Variants in MPDZ observed in about 807,000 individuals in gnomAD.
MPDZ encodes multiple PDZ domain crumbs cell polarity complex component.
MPDZ carries 234 observed loss-of-function variants against 239.1 expected under a neutral mutation model. That is an observed-to-expected ratio of 0.98 (90% CI 0.88 to 1.09). The LOEUF is 1.09. Among genes scored for constraint, MPDZ ranks in the 50% least tolerant of loss-of-function variants. MPDZ has a pLI of 0.00. For synonymous variants in MPDZ, 1,048 were observed against 881.3 expected, an observed-to-expected ratio of 1.19 and a Z score of -3.35; for missense variants, 3,175 against 2,510.0, an observed-to-expected ratio of 1.26 and a Z score of -5.66.
intron 1 of MPDZ, chr9:13,274,544 T>C (rs1302733737): frequency 6.6e-6 from 1 of 151,892 alleles, no homozygotes; most frequent in Non-Finnish European, 1.5e-5. Flanking sequence ...TATTTTTAAC[T>C]TAGCTGGCCA....
At chr9:13,122,696 T>C (rs913603073) in intron 36 of MPDZ, among the ~76,000 whole-genome samples, 1 of 152,030 alleles carries the variant, frequency 6.6e-6, no homozygotes, top group Non-Finnish European at 1.5e-5. Flanking sequence ...TTTGTATTTT[T>C]AGTAGAGATA....
At chr9:13,252,678 A>G (rs944783480) in intron 1 of MPDZ, among the ~76,000 whole-genome samples, 2 of 151,646 alleles carry the variant, frequency 1.3e-5, no homozygotes, top group Non-Finnish European at 2.9e-5. Context: ...GTGATACCCC[A>G]TCTCTATCAA....
chr9:13,248,458 G>A (rs1367746843), intron 2 of MPDZ, among the ~76,000 whole-genome samples: 1 of 151,934 alleles, frequency 6.6e-6, no homozygotes, highest in Admixed American at 6.6e-5. Context: ...TGTCCTACTA[G>A]TCCTAGTGTC....
At chr9:13,145,219 T>C (rs1324220994) in intron 26 of MPDZ, among the ~76,000 whole-genome samples, 3 of 151,996 alleles carry the variant, frequency 2.0e-5, no homozygotes, top group African/African-American at 4.8e-5. Context: ...AAAAAACCAA[T>C]GATGAAACTT....
Position 13,227,376 on chromosome 9 carries a change from A to AT in MPDZ, c.184-2794dup, listed in dbSNP as rs1199885038. Among the ~76,000 whole-genome samples the AT allele has an allele frequency of 5.0e-3, 753 of 150,054 alleles. 7 individuals carry two copies. Among genetic ancestry groups the AT allele is most frequent in the African/African-American group, 0.016 (636 of 41,008 alleles). On this transcript the variant is annotated intron_variant, in intron 3 of 46. Coordinates refer to ENST00000319217, the MANE Select transcript of MPDZ (RefSeq NM_001378778.1). ...AAGTAAGCTTCTTATGCCAAGATTG[A>AT]TTTTTTTTTTATCCTGAGCCATGGC...
chr9:13,132,755 C>T (rs1251536814), intron 32 of MPDZ, among the ~76,000 whole-genome samples: 2 of 152,120 alleles, frequency 1.3e-5, no homozygotes, highest in Non-Finnish European at 2.9e-5. Context: ...AGTCCATTTT[C>T]AAAAGGTGAA....
In MPDZ at chr9:13,138,159, TACAACA is replaced by T. The variant is rs761167445; in HGVS notation, c.4004-12_4004-7del. ...ATAACGCTCTCTGATATTTTCTACA[TACAACA>T]ACAACAACAAATACATATTTACAGT... On this transcript the variant is annotated splice_region_variant and splice_polypyrimidine_tract_variant and intron_variant, in intron 28 of 46. Coordinates refer to ENST00000319217, the MANE Select transcript of MPDZ (RefSeq NM_001378778.1). 2 of 1,561,438 alleles carry T rather than the reference TACAACA, an allele frequency of 1.3e-6. No homozygotes were observed. Among genetic ancestry groups the T allele is most frequent in the Admixed American group, 1.9e-5 (1 of 52,102 alleles).
intron 8 of MPDZ, among the ~76,000 whole-genome samples, chr9:13,217,660 T>C (rs1958522233): frequency 6.6e-6 from 1 of 151,898 alleles, no homozygotes; most frequent in Non-Finnish European, 1.5e-5. Flanking sequence ...AAAGAACTAA[T>C]GTTATGAATT....
In MPDZ at chr9:13,160,830, T is replaced by TTATACATATA. The variant is rs1161748804; in HGVS notation, c.3359+1860_3359+1861insTATATGTATA. 3.7e-4 allele frequency among the ~76,000 whole-genome samples: 14 copies of TTATACATATA among 37,990 alleles called. No individual in the cohort carries two copies. In the East Asian group the frequency reaches 8.1e-3, roughly 22 times the overall value. 24.9% of individuals were successfully genotyped at this position (37,990 alleles called of 152,430 possible). On this transcript the variant is annotated intron_variant, in intron 23 of 46. Coordinates refer to ENST00000319217, the MANE Select transcript of MPDZ (RefSeq NM_001378778.1). ...CTTTTTTTTCTTGTCATTATTAAAATTATATATATATATATATATATATAT... is the reference window on the plus strand; with the variant it reads ...CTTTTTTTTCTTGTCATTATTAAAATTATACATATATATATATATATATATATATATATAT...
chr9:13,121,371 A>G (rs1232659581), intron 38 of MPDZ, among the ~76,000 whole-genome samples: 1 of 152,144 alleles, frequency 6.6e-6, no homozygotes, highest in Non-Finnish European at 1.5e-5. Context: ...TTTGTCACTC[A>G]TCAATAGATT....
chr9:13,202,230 G>A (rs1956469528), intron 12 of MPDZ, among the ~76,000 whole-genome samples: 2 of 152,102 alleles, frequency 1.3e-5, no homozygotes, highest in South Asian at 2.1e-4. Flanking sequence ...TCCTTGACTT[G>A]CTATTATTTC....
At chr9:13,179,811 G>A (rs1563971252) in intron 19 of MPDZ, among the ~76,000 whole-genome samples, 1 of 152,158 alleles carries the variant, frequency 6.6e-6, no homozygotes, top group Non-Finnish European at 1.5e-5. Flanking sequence ...TAAGGTTAGA[G>A]TTGGGCATAT....
At chr9:13,150,103 C>T (rs1948960480) in intron 25 of MPDZ, among the ~76,000 whole-genome samples, 1 of 151,896 alleles carries the variant, frequency 6.6e-6, no homozygotes. Context: ...TATTGTATGT[C>T]TAATGTAATC....
At position 13,123,293 on chromosome 9, in the gene MPDZ, T is replaced by C. The variant is rs1247685463; in HGVS notation, c.4813A>G (p.Ser1605Gly). 2 of 1,605,910 alleles carry C rather than the reference T, an allele frequency of 1.2e-6. No homozygotes were observed. The highest frequency in any genetic ancestry group is 8.5e-7 in the Non-Finnish European group (1 of 1,176,040). Residue 1605 changes from serine (S) to glycine (G), a missense_variant, in exon 36 of 47, where the codon AGC (serine) becomes GGC (glycine). Coordinates refer to ENST00000319217, the MANE Select transcript of MPDZ (RefSeq NM_001378778.1). ...SPEPESIRNT[S>G]RSSTPAIFAS... ...AAAATTGCTGGTGTTGATGATCTGC[T>C]TGTATCTAAAAATAAGTTAAAAATG...
At chr9:13,131,964 T>C (rs1229243864) in intron 32 of MPDZ, among the ~76,000 whole-genome samples, 3 of 152,172 alleles carry the variant, frequency 2.0e-5, no homozygotes, top group Non-Finnish European at 2.9e-5. Context: ...GCCTCTTCTG[T>C]CTAGCTACTT....
intron 21 of MPDZ, among the ~76,000 whole-genome samples, chr9:13,169,103 G>C (rs373356678): frequency 3.9e-5 from 6 of 152,132 alleles, no homozygotes; most frequent in South Asian, 2.1e-4. Context: ...ACATCAAGAA[G>C]CCTGTATTGA....
intron 37 of MPDZ, 35 bp from the exon 38 acceptor site, chr9:13,121,967 T>G: frequency 1.2e-6 from 2 of 1,605,008 alleles, no homozygotes; most frequent in Admixed American, 1.7e-5. Flanking sequence ...GTAAGGAACA[T>G]GAGAAGTAAA....
At chr9:13,243,787 T>C (rs556062854) in intron 3 of MPDZ, among the ~76,000 whole-genome samples, 65 of 152,194 alleles carry the variant, frequency 4.3e-4, no homozygotes, top group Middle Eastern at 3.2e-3. Flanking sequence ...CTAGATGATA[T>C]ATGTGTAAGC....
At chr9:13,273,144 C>A (rs145737665) in intron 1 of MPDZ, among the ~76,000 whole-genome samples, 2 of 152,248 alleles carry the variant, frequency 1.3e-5, no homozygotes, top group East Asian at 3.9e-4. Context: ...GTGCCTTGAT[C>A]TGGTACTTCC....
Sources: allele counts gnomAD v4.1 joint callset (sites outside exome capture counted in the v4.1 genomes callset), GRCh38; gene constraint gnomAD v4.1.1; transcripts MANE v1.5; gene names NCBI Gene and HGNC (gene_info 2026-07-23, HGNC 2026-07-21).